GPC5: variants seen among roughly 807,000 people sequenced by gnomAD.
GPC5 encodes glypican-5.
Under a neutral mutation model 53.9 loss-of-function variants are expected in GPC5, and 47 were observed. The observed-to-expected ratio is 0.87, with a 90% CI of 0.69 to 1.11. The LOEUF is 1.11. Among genes scored for constraint, GPC5 ranks in the 50% most tolerant of loss-of-function variants. The pLI is 0.00. For missense variants in GPC5, 748 were observed against 713.1 expected (o/e 1.05, Z -0.56); for synonymous variants, 286 against 263.3 (o/e 1.09, Z -0.84).
At chr13:92,177,128 A>G (rs1474177369) in intron 7 of GPC5, among the ~76,000 whole-genome samples, 2 of 152,038 alleles carry the variant, frequency 1.3e-5, no homozygotes, top group African/African-American at 4.8e-5. Flanking sequence ...TTTGCATCTC[A>G]GTTAACTTCT....
intron 7 of GPC5, among the ~76,000 whole-genome samples, chr13:92,836,434 AT>A (rs1190764567): frequency 1.3e-5 from 2 of 152,120 alleles, no homozygotes; most frequent in South Asian, 2.1e-4. Flanking sequence ...CAACAAAAAA[AT>A]CATCTTATTC....
intron 6 of GPC5, among the ~76,000 whole-genome samples, chr13:91,961,133 T>C (rs1418055526): frequency 6.6e-6 from 1 of 151,950 alleles, no homozygotes; most frequent in Non-Finnish European, 1.5e-5. Flanking sequence ...AAGAAAATAT[T>C]TGCCAACTAT....
chr13:91,967,734 A>C lies in GPC5; in HGVS notation c.1401+59677A>C, dbSNP rs189914824. 5.3e-3 allele frequency among the ~76,000 whole-genome samples: 808 copies of C among 152,218 alleles called. 15 individuals are homozygous for C. The highest frequency in any genetic ancestry group is 0.019 in the African/African-American group (779 of 41,566). On this transcript the variant is annotated intron_variant, in intron 6 of 7. Transcript: ENST00000377067. ...GTTAATTTTGTAAACATTTTCATAT[A>C]CAAAATCATCAGTGGAATAAAGAGG...
In GPC5 at chr13:92,603,147, A is replaced by G. The variant is rs115154913; in HGVS notation, c.1562-263135A>G. ...CTGTTTGTTTAAACTATCTTGACAT[A>G]ATGGTATAGTATGGATAAAGGTCTC... is the stretch of plus-strand genomic sequence containing the variant. On this transcript the variant is annotated intron_variant, in intron 7 of 7. Coordinates refer to ENST00000377067, the MANE Select transcript of GPC5 (RefSeq NM_004466.6). Among the ~76,000 whole-genome samples the G allele has an allele frequency of 4.0e-3, 616 of 152,324 alleles. 5 individuals are homozygous for G. Among genetic ancestry groups the G allele is most frequent in the African/African-American group, 0.014 (569 of 41,560 alleles).
At chr13:91,817,967 T>C (rs1328728929) in intron 5 of GPC5, among the ~76,000 whole-genome samples, 3 of 152,138 alleles carry the variant, frequency 2.0e-5, no homozygotes, top group Non-Finnish European at 4.4e-5. Flanking sequence ...CTGGCCAGGG[T>C]ACTAATATTT....
intron 2 of GPC5, among the ~76,000 whole-genome samples, chr13:91,569,020 G>A (rs2031664196): frequency 6.6e-6 from 1 of 151,974 alleles, no homozygotes; most frequent in African/African-American, 2.4e-5. Flanking sequence ...CAAAGTGTCG[G>A]GATCAGAGGC....
chr13:91,699,239 A>C (rs547216493), intron 3 of GPC5, among the ~76,000 whole-genome samples: 27 of 152,332 alleles, frequency 1.8e-4, no homozygotes, highest in African/African-American at 6.5e-4. Flanking sequence ...ATATATGAAA[A>C]GTTGACAAGA....
intron 7 of GPC5, among the ~76,000 whole-genome samples, chr13:92,442,488 G>A (rs1474590917): frequency 6.6e-6 from 1 of 152,078 alleles, no homozygotes; most frequent in East Asian, 1.9e-4. Flanking sequence ...TTACTAGGAT[G>A]TAAAAGAAAA....
chr13:92,577,848 A>C lies in GPC5; in HGVS notation c.1562-288434A>C, dbSNP rs1438514604. On this transcript the variant is annotated intron_variant, in intron 7 of 7. Coordinates refer to ENST00000377067, the MANE Select transcript of GPC5 (RefSeq NM_004466.6). ...GGTCTGGTTACAAGAAAAATAAAAC[A>C]AGGAGCAGAAAAAAATTTTAAAAAA... Among the ~76,000 whole-genome samples the C allele has an allele frequency of 2.6e-5, 4 of 152,310 alleles. No homozygotes were observed. The East Asian group carries it at 7.7e-4, about 29-fold the overall frequency.
At chr13:92,040,103 G>A (rs573229980) in intron 6 of GPC5, among the ~76,000 whole-genome samples, 181 of 152,264 alleles carry the variant, frequency 1.2e-3, no homozygotes, top group African/African-American at 4.1e-3. Flanking sequence ...GAGCCTCTTA[G>A]TTCCATAATA....
chr13:92,796,427 G>C (rs1380962665), intron 7 of GPC5, among the ~76,000 whole-genome samples: 1 of 151,932 alleles, frequency 6.6e-6, no homozygotes, highest in African/African-American at 2.4e-5. Flanking sequence ...GAGTTTATGG[G>C]TGCAGCAAAC....
intron 7 of GPC5, among the ~76,000 whole-genome samples, chr13:92,422,335 C>T (rs771485176): frequency 6.6e-6 from 1 of 151,954 alleles, no homozygotes; most frequent in Admixed American, 6.6e-5. Flanking sequence ...AGATGTTTTC[C>T]GAATAGTCTT....
chr13:91,851,071 A>C, intron 5 of GPC5, among the ~76,000 whole-genome samples: 1 of 152,172 alleles, frequency 6.6e-6, no homozygotes, highest in East Asian at 1.9e-4. Flanking sequence ...AAATGCACAT[A>C]AAAGGGCCTA....
intron 7 of GPC5, among the ~76,000 whole-genome samples, chr13:92,710,465 T>C (rs1888097408): frequency 6.6e-6 from 1 of 152,230 alleles, no homozygotes; most frequent in African/African-American, 2.4e-5. Flanking sequence ...AATAATTGTG[T>C]ACAGTTTTAA....
chr13:91,492,822 C>T (rs1458176076), intron 2 of GPC5, among the ~76,000 whole-genome samples: 3 of 152,138 alleles, frequency 2.0e-5, no homozygotes, highest in Non-Finnish European at 4.4e-5. Flanking sequence ...ATCTTGTTCT[C>T]TTTGTTCTGT....
intron 2 of GPC5, among the ~76,000 whole-genome samples, chr13:91,645,500 C>G (rs1251888432): frequency 6.6e-6 from 1 of 152,208 alleles, no homozygotes; most frequent in East Asian, 1.9e-4. Context: ...CACTGCCCCT[C>G]TTCCTGACAG....
At chr13:92,379,487 G>A (rs1470692069) in intron 7 of GPC5, among the ~76,000 whole-genome samples, 1 of 152,066 alleles carries the variant, frequency 6.6e-6, no homozygotes, top group Admixed American at 6.5e-5. Flanking sequence ...TCCTCTGCAC[G>A]TTAGTTCCTC....
chr13:91,760,834 T>C (rs2037395093), intron 5 of GPC5, among the ~76,000 whole-genome samples: 1 of 152,202 alleles, frequency 6.6e-6, no homozygotes, highest in African/African-American at 2.4e-5. Flanking sequence ...ATATCTGTAG[T>C]GTAAAAAGAG....
intron 7 of GPC5, among the ~76,000 whole-genome samples, chr13:92,398,301 C>T (rs1312593181): frequency 1.5e-4 from 23 of 148,604 alleles, no homozygotes; most frequent in African/African-American, 5.2e-4. Flanking sequence ...TAGTGGCGGG[C>T]GCCTGTAGTC....
Sources: allele counts gnomAD v4.1 joint callset (sites outside exome capture counted in the v4.1 genomes callset), GRCh38; gene constraint gnomAD v4.1.1; transcripts MANE v1.5; gene names NCBI Gene and HGNC (gene_info 2026-07-23, HGNC 2026-07-21).